The following KCNH1 variants were observed in gnomAD, a reference collection of about 807,000 sequenced individuals.
The protein encoded by KCNH1 is voltage-gated delayed rectifier potassium channel KCNH1.
A neutral mutation model predicts 69.2 loss-of-function variants in KCNH1; 27 were observed. The observed-to-expected ratio is 0.39, with a 90% CI of 0.29 to 0.54. The LOEUF is 0.54. Among genes scored for constraint, KCNH1 ranks in the 20% least tolerant of loss-of-function variants. The pLI, the probability that KCNH1 is intolerant of heterozygous loss-of-function variation, is 0.68. For missense variants in KCNH1, 798 were observed against 1,261.6 expected, an observed-to-expected ratio of 0.63 and a Z score of 5.57; for synonymous variants, 456 against 487.7, an observed-to-expected ratio of 0.93 and a Z score of 0.86.
intron 10 of KCNH1, among the ~76,000 whole-genome samples, chr1:210,725,778 C>T (rs569879781): frequency 3.3e-5 from 5 of 152,302 alleles, no homozygotes; most frequent in African/African-American, 9.6e-5. Flanking sequence ...TGTTTCCCAA[C>T]CAGCCCTTAC....
chr1:211,002,995 G>A (rs1190987884), intron 6 of KCNH1, among the ~76,000 whole-genome samples: 1 of 152,166 alleles, frequency 6.6e-6, no homozygotes, highest in African/African-American at 2.4e-5. Flanking sequence ...AATTTTGCCA[G>A]TGGCCTGTTT....
intron 7 of KCNH1, among the ~76,000 whole-genome samples, chr1:210,848,540 C>T (rs965060190): frequency 2.0e-5 from 3 of 152,148 alleles, no homozygotes; most frequent in African/African-American, 4.8e-5. Flanking sequence ...CTATGATAAG[C>T]CCTATAACTA....
chr1:210,754,143 T>A (rs1683343565), intron 10 of KCNH1, among the ~76,000 whole-genome samples: 1 of 151,904 alleles, frequency 6.6e-6, no homozygotes. Flanking sequence ...ATGGTCTCGA[T>A]CTGCTGACCT....
chr1:210,962,241 T>C (rs1173076365), intron 6 of KCNH1, among the ~76,000 whole-genome samples: 4 of 152,238 alleles, frequency 2.6e-5, no homozygotes, highest in Non-Finnish European at 5.9e-5. Context: ...CAGGGAATTA[T>C]AAGGCTCAGA....
intron 7 of KCNH1, among the ~76,000 whole-genome samples, chr1:210,862,717 C>T (rs1475829719): frequency 6.6e-5 from 10 of 152,170 alleles, no homozygotes; most frequent in East Asian, 3.8e-4. Flanking sequence ...CATCCACTTA[C>T]GAGTTACTGT....
At chr1:210,702,348 A>G (rs1574192458) in intron 10 of KCNH1, among the ~76,000 whole-genome samples, 1 of 152,092 alleles carries the variant, frequency 6.6e-6, no homozygotes, top group East Asian at 1.9e-4. Context: ...TTGAACTCCT[A>G]TCAGTTGAAA....
chr1:210,793,989 G>C (rs1684259409), intron 9 of KCNH1, among the ~76,000 whole-genome samples: 1 of 152,170 alleles, frequency 6.6e-6, no homozygotes, highest in Non-Finnish European at 1.5e-5. Flanking sequence ...GTGCCTGGCA[G>C]ATAGCAGGTG....
At chr1:210,918,527 T>C (rs1332067157) in intron 7 of KCNH1, among the ~76,000 whole-genome samples, 1 of 152,118 alleles carries the variant, frequency 6.6e-6, no homozygotes, top group Non-Finnish European at 1.5e-5. Context: ...TGAAGGGAAT[T>C]CATTGTTGTC....
chr1:211,107,279 C>T lies in KCNH1; in HGVS notation c.178G>A (p.Val60Met), dbSNP rs781555399. ...CTGCAGGTGCTGCTTTTTTGCATCA[C>T]TTCTGCCCTGTGATAGCCAGACAGC... The part of the protein sequence containing the change: ...CKLSGYHRAE[V>M]MQKSSTCSFM... The change falls in exon 2 of 11, where the codon GTG becomes ATG. Residue 60 changes from valine (V) to methionine (M), a missense_variant. Coordinates refer to ENST00000271751, the MANE Select transcript of KCNH1 (RefSeq NM_172362.3). 3 of 1,613,730 alleles carry T rather than the reference C, an allele frequency of 1.9e-6. No individual in the cohort carries two copies. In the South Asian group the frequency reaches 3.3e-5, roughly 18 times the overall value.
At chr1:211,122,945 T>A (rs1284881660) in intron 1 of KCNH1, among the ~76,000 whole-genome samples, 3 of 151,618 alleles carry the variant, frequency 2.0e-5, no homozygotes, top group African/African-American at 7.3e-5. Flanking sequence ...CTTTTTTTTT[T>A]AGAAGAAATA....
intron 7 of KCNH1, among the ~76,000 whole-genome samples, chr1:210,847,979 A>C (rs564840870): frequency 6.6e-6 from 1 of 152,290 alleles, no homozygotes; most frequent in East Asian, 1.9e-4. Flanking sequence ...ACTGTCGTTT[A>C]AGATGAAAAA....
At chr1:210,773,531 G>A (rs549411292) in intron 10 of KCNH1, among the ~76,000 whole-genome samples, 7 of 152,314 alleles carry the variant, frequency 4.6e-5, no homozygotes, top group East Asian at 1.9e-4. Flanking sequence ...GGGTAGCCCC[G>A]TGACAGGCAT....
intron 10 of KCNH1, among the ~76,000 whole-genome samples, chr1:210,722,520 GC>G: frequency 6.6e-6 from 1 of 152,328 alleles, no homozygotes; most frequent in East Asian, 1.9e-4. Flanking sequence ...ATGGAGAAGG[GC>G]CTGGTAGTGT....
chr1:211,107,796 A>G (rs1691385227), intron 1 of KCNH1, among the ~76,000 whole-genome samples: 5 of 152,160 alleles, frequency 3.3e-5, no homozygotes, highest in Admixed American at 2.0e-4. Flanking sequence ...TCTTTTGGCC[A>G]GAAGCTAAAA....
intron 9 of KCNH1, among the ~76,000 whole-genome samples, chr1:210,783,196 C>A (rs1290657361): frequency 6.6e-6 from 1 of 152,176 alleles, no homozygotes; most frequent in Non-Finnish European, 1.5e-5. Context: ...CCTGTGACTG[C>A]CTCGTGGTCT....
intron 7 of KCNH1, among the ~76,000 whole-genome samples, chr1:210,903,361 TA>T (rs1351006811): frequency 6.6e-6 from 1 of 152,230 alleles, no homozygotes; most frequent in African/African-American, 2.4e-5. Flanking sequence ...AATGAATGGA[TA>T]AAATATACTT....
intron 6 of KCNH1, among the ~76,000 whole-genome samples, chr1:210,957,875 A>C (rs1688209881): frequency 6.6e-6 from 1 of 152,126 alleles, no homozygotes; most frequent in African/African-American, 2.4e-5. Flanking sequence ...CCAATTTGCC[A>C]GTCTGTGTCT....
chr1:210,907,912 G>T (rs1687150341), intron 7 of KCNH1, among the ~76,000 whole-genome samples: 1 of 152,158 alleles, frequency 6.6e-6, no homozygotes, highest in Non-Finnish European at 1.5e-5. Context: ...GATCTTTCTG[G>T]TCAGCAACAG....
chr1:210,717,808 AGAAAT>A (rs1369219870), intron 10 of KCNH1, among the ~76,000 whole-genome samples: 3 of 152,164 alleles, frequency 2.0e-5, no homozygotes, highest in African/African-American at 7.2e-5. Context: ...AAAAGTCAAA[AGAAAT>A]AGGTAAAATT....
Sources: gnomAD v4.1 joint callset for allele counts (sites outside exome capture counted in the v4.1 genomes callset) on GRCh38, gnomAD v4.1.1 for gene constraint, MANE v1.5 for transcripts, NCBI Gene and HGNC (gene_info 2026-07-23, HGNC 2026-07-21) for gene names.